Variants in EAF2 observed in about 807,000 individuals in gnomAD.
EAF2 encodes ELL associated factor 2.
Under a neutral mutation model 29.4 loss-of-function variants are expected in EAF2, and 29 were observed. The observed-to-expected ratio is 0.99, with a 90% confidence interval of 0.73 to 1.35. The LOEUF is 1.35. Ranked by LOEUF, EAF2 falls within the 40% of genes most tolerant of loss-of-function variation. EAF2 has a pLI of 0.00. For synonymous variants in EAF2, 103 were observed against 102.5 expected, an observed-to-expected ratio of 1.00 and a Z score of -0.03; for missense variants, 292 against 312.0, an observed-to-expected ratio of 0.94 and a Z score of 0.48.
intron 4 of EAF2, among the ~76,000 whole-genome samples, chr3:121,859,949 G>A (rs992021012): frequency 2.2e-4 from 34 of 152,254 alleles, no homozygotes; most frequent in Non-Finnish European, 2.6e-4. Context: ...TTTGTCATTC[G>A]TTCTGTTTAT....
chr3:121,867,421 GAA>G (rs1708945069), intron 4 of EAF2, among the ~76,000 whole-genome samples: 1 of 152,140 alleles, frequency 6.6e-6, no homozygotes, highest in South Asian at 2.1e-4. Flanking sequence ...TATTACCTAT[GAA>G]AGAATACCAT....
At chr3:121,855,016 A>G (rs957030193) in intron 3 of EAF2, among the ~76,000 whole-genome samples, 193 bp downstream of exon 3, 2 of 152,218 alleles carry the variant, frequency 1.3e-5, no homozygotes, top group African/African-American at 4.8e-5. Context: ...CCTGTGATAT[A>G]TAAAAGCTTG....
At chr3:121,850,399 A>T in intron 2 of EAF2, among the ~76,000 whole-genome samples, 1 of 143,824 alleles carries the variant, frequency 7.0e-6, no homozygotes, top group South Asian at 2.1e-4. Flanking sequence ...TTTCCATTCC[A>T]TTATTGATTA....
At chr3:121,879,753 C>T (rs1576658334) in intron 5 of EAF2, among the ~76,000 whole-genome samples, 1 of 151,684 alleles carries the variant, frequency 6.6e-6, no homozygotes, top group African/African-American at 2.4e-5. Flanking sequence ...TCTGGGTTCT[C>T]TATTCTGTTC....
At position 121,847,109 on chromosome 3, in the gene EAF2, T is replaced by C. The variant is rs983540829; in HGVS notation, c.201+2562T>C. Among the ~76,000 whole-genome samples, 8 of 152,256 alleles carry C rather than the reference T, an allele frequency of 5.3e-5. No homozygotes were observed. The East Asian group carries it at 7.7e-4, about 15-fold the overall frequency. Reference sequence around the variant, plus strand: ...TGTGTATATGCATGGACATTCTGTGTGATAAGTCCTATTCTAGGTAGCTGC... The same window carrying C: ...TGTGTATATGCATGGACATTCTGTGCGATAAGTCCTATTCTAGGTAGCTGC... On this transcript the variant is annotated intron_variant, in intron 2 of 5. Coordinates refer to ENST00000273668, the MANE Select transcript of EAF2 (RefSeq NM_018456.6).
In EAF2 at chr3:121,886,332, C is replaced by A; in HGVS notation, c.737-10C>A. The A allele has an allele frequency of 1.4e-6, 2 of 1,467,036 alleles. No homozygotes were observed. Among genetic ancestry groups the A allele is most frequent in the Non-Finnish European group, 1.8e-6 (2 of 1,100,650 alleles). The allele number at this position is 1,467,036 out of a possible 1,614,324, so 90.9% of individuals were successfully genotyped here. ...ATTACTACAGTTTTGTTATTTCTTT[C>A]TTATTTTAGGAAATGATTTGCAGCT... On this transcript the variant is annotated splice_polypyrimidine_tract_variant and intron_variant, in intron 5 of 5. Transcript: ENST00000273668.
At chr3:121,879,644 T>G (rs183704019) in intron 5 of EAF2, among the ~76,000 whole-genome samples, 1 of 148,626 alleles carries the variant, frequency 6.7e-6, no homozygotes, top group African/African-American at 2.5e-5. Flanking sequence ...GGATAACCAG[T>G]TTCTCAGCAC....
intron 4 of EAF2, among the ~76,000 whole-genome samples, chr3:121,864,331 T>C (rs531591269): frequency 6.6e-6 from 1 of 152,264 alleles, no homozygotes; most frequent in South Asian, 2.1e-4. Context: ...GTAGCTCCTA[T>C]ACAAACAATA....
At chr3:121,876,559 T>G (rs1168861681) in intron 5 of EAF2, among the ~76,000 whole-genome samples, 2 of 151,972 alleles carry the variant, frequency 1.3e-5, no homozygotes, top group Non-Finnish European at 2.9e-5. Context: ...GGAAAATTTT[T>G]TTTTGAAGAT....
chr3:121,849,515 C>T (rs1208449362), intron 2 of EAF2, among the ~76,000 whole-genome samples: 1 of 152,136 alleles, frequency 6.6e-6, no homozygotes, highest in East Asian at 1.9e-4. Flanking sequence ...TTGGCATTGA[C>T]TCTTTATCTT....
intron 4 of EAF2, among the ~76,000 whole-genome samples, chr3:121,868,315 T>C (rs1465670901): frequency 6.6e-6 from 1 of 152,078 alleles, no homozygotes; most frequent in African/African-American, 2.4e-5. Context: ...AAGAGCAAAA[T>C]AGGCCAGGCG....
chr3:121,847,395 G>C (rs1354494678), intron 2 of EAF2, among the ~76,000 whole-genome samples: 3 of 152,158 alleles, frequency 2.0e-5, no homozygotes, highest in Middle Eastern at 3.4e-3. Context: ...TCAGAGAAAA[G>C]AAAAAGACAA....
At chr3:121,880,341 CT>C (rs1559831306) in intron 5 of EAF2, among the ~76,000 whole-genome samples, 1 of 150,680 alleles carries the variant, frequency 6.6e-6, no homozygotes, top group Non-Finnish European at 1.5e-5. Flanking sequence ...CTGGGTCTCA[CT>C]GTGTTGTGCA....
intron 5 of EAF2, among the ~76,000 whole-genome samples, chr3:121,886,088 A>G (rs561136026): frequency 2.0e-5 from 3 of 152,244 alleles, no homozygotes; most frequent in Admixed American, 1.3e-4. Flanking sequence ...TAAAAAAAAG[A>G]GTGATGGGGA....
At chr3:121,856,378 T>A (rs1708718618) in intron 3 of EAF2, among the ~76,000 whole-genome samples, 1 of 151,950 alleles carries the variant, frequency 6.6e-6, no homozygotes, top group Non-Finnish European at 1.5e-5. Context: ...AGGGTCTCGT[T>A]ATATTGCCCA....
chr3:121,880,742 C>A (rs1339275711), intron 5 of EAF2, among the ~76,000 whole-genome samples: 1 of 152,012 alleles, frequency 6.6e-6, no homozygotes, highest in Non-Finnish European at 1.5e-5. Context: ...TTTGCTCTGG[C>A]TAGGACTTCC....
Position 121,876,902 on chromosome 3 carries a change from C to G in EAF2, c.736+4114C>G, listed in dbSNP as rs1051862987. Among the ~76,000 whole-genome samples, 3 of 151,550 alleles carry G rather than the reference C, an allele frequency of 2.0e-5. No homozygotes were observed. In the East Asian group the frequency reaches 5.8e-4, roughly 29 times the overall value. On this transcript the variant is annotated intron_variant, in intron 5 of 5. Transcript: ENST00000273668. ...CTCAGTATATCAGTAATAACAAAAG[C>G]AAAGCATTATATCCACCTAATAAGA...
intron 1 of EAF2, chr3:121,836,574 A>G (rs970604695): frequency 2.2e-6 from 2 of 917,830 alleles, no homozygotes; most frequent in African/African-American, 3.6e-5. Flanking sequence ...AATGGGTGAG[A>G]TATTTGTGAA....
chr3:121,858,882 A>G (rs1231741407), intron 4 of EAF2, among the ~76,000 whole-genome samples: 2 of 152,166 alleles, frequency 1.3e-5, no homozygotes, highest in African/African-American at 4.8e-5. Context: ...TCAGCTTTCT[A>G]CATACGGCTA....
Sources: gnomAD v4.1 joint callset for allele counts (sites outside exome capture counted in the v4.1 genomes callset) on GRCh38, gnomAD v4.1.1 for gene constraint, MANE v1.5 for transcripts, NCBI Gene and HGNC (gene_info 2026-07-23, HGNC 2026-07-21) for gene names.